The following CCDC171 variants were observed in gnomAD, a reference collection of about 807,000 sequenced individuals.
The protein encoded by CCDC171 is coiled-coil domain-containing protein 171.
In CCDC171, 177 loss-of-function variants were observed where a neutral mutation model predicts 168.2. That is an observed-to-expected ratio of 1.05 (90% CI 0.93 to 1.19). The LOEUF is 1.19. Ranked by LOEUF, CCDC171 falls within the 50% of genes most tolerant of loss-of-function variation. The probability of loss-of-function intolerance (pLI) is 0.00; values close to 1 mark genes in which losing one functional copy is unlikely to be tolerated. For missense variants in CCDC171, 1,991 were observed against 1,539.0 expected (o/e 1.29, Z -4.91); for synonymous variants, 687 against 540.8 (o/e 1.27, Z -3.75).
At chr9:15,656,280 C>G (rs1248109539) in intron 7 of CCDC171, among the ~76,000 whole-genome samples, 2 of 151,698 alleles carry the variant, frequency 1.3e-5, no homozygotes, top group Non-Finnish European at 2.9e-5. Context: ...CTAGATGGCG[C>G]CACTGCATTC....
chr9:16,027,519 C>T (rs534842733), intron 6 of CCDC171, among the ~76,000 whole-genome samples: 4 of 152,136 alleles, frequency 2.6e-5, no homozygotes, highest in South Asian at 4.2e-4. Flanking sequence ...ATCAAAGTTG[C>T]GAGGAAGGAA....
intron 10 of CCDC171, among the ~76,000 whole-genome samples, chr9:15,683,007 T>G (rs910948588): frequency 6.6e-6 from 1 of 152,006 alleles, no homozygotes; most frequent in East Asian, 1.9e-4. Context: ...GCAGGGGAGC[T>G]TTCATTTTCA....
intron 23 of CCDC171, among the ~76,000 whole-genome samples, chr9:15,851,990 C>T (rs1457939926): frequency 6.6e-6 from 1 of 151,790 alleles, no homozygotes; most frequent in African/African-American, 2.4e-5. Flanking sequence ...AGCTGATAGA[C>T]ACTGGGTTGT....
chr9:15,639,903 T>G (rs1048098616), intron 7 of CCDC171, among the ~76,000 whole-genome samples: 1 of 152,178 alleles, frequency 6.6e-6, no homozygotes, highest in Non-Finnish European at 1.5e-5. Flanking sequence ...GAATATCCTT[T>G]AGCGACAAAT....
downstream of CCDC171, among the ~76,000 whole-genome samples, chr9:16,062,683 C>T (rs557614943): frequency 6.6e-6 from 1 of 152,230 alleles, no homozygotes; most frequent in Non-Finnish European, 1.5e-5. Flanking sequence ...TTGTGGTACA[C>T]ACTTCAGATA....
chr9:16,089,332 G>T, the CCDC171 span, among the ~76,000 whole-genome samples: 2 of 151,988 alleles, frequency 1.3e-5, no homozygotes, highest in African/African-American at 2.4e-5. Context: ...TAGGTTGCCT[G>T]TTCACTCTGA....
intron 6 of CCDC171, among the ~76,000 whole-genome samples, chr9:15,601,267 A>G (rs1320368170): frequency 1.3e-5 from 2 of 152,192 alleles, no homozygotes; most frequent in African/African-American, 4.8e-5. Flanking sequence ...CTATTTGGCC[A>G]TCTTGGCTCC....
chr9:15,645,093 C>T (rs2046933075), intron 7 of CCDC171, among the ~76,000 whole-genome samples: 2 of 152,214 alleles, frequency 1.3e-5, no homozygotes, highest in South Asian at 4.1e-4. Flanking sequence ...GCAATATTTG[C>T]TGTTCTGCAG....
At chr9:15,699,451 G>A (rs2051501903) in intron 11 of CCDC171, among the ~76,000 whole-genome samples, 1 of 152,156 alleles carries the variant, frequency 6.6e-6, no homozygotes, top group Non-Finnish European at 1.5e-5. Flanking sequence ...GGCTTGGGCA[G>A]CCTCTTTTTA....
rs181546130 is a variant in CCDC171 at position 15,791,705 on chromosome 9, G to A, written c.3267+7011G>A. On this transcript the variant is annotated intron_variant, in intron 21 of 25. Coordinates refer to ENST00000380701, the MANE Select transcript of CCDC171 (RefSeq NM_173550.4). ...AAAGGGAACTCTGCTGCTGATACCC[G>A]GCAAACAGGGTCTGGAGTGGACCTT... is the stretch of plus-strand genomic sequence containing the variant. Among the ~76,000 whole-genome samples the A allele has an allele frequency of 1.8e-4, 27 of 152,172 alleles. No homozygotes were observed. The East Asian group carries it at 4.4e-3, about 25-fold the overall frequency.
intron 23 of CCDC171, among the ~76,000 whole-genome samples, chr9:15,861,003 CTT>C (rs1478022001): frequency 6.7e-6 from 1 of 148,462 alleles, no homozygotes; most frequent in African/African-American, 2.5e-5. Flanking sequence ...AGACTGCACT[CTT>C]ATATCATTAT....
intron 1 of CCDC171, among the ~76,000 whole-genome samples, chr9:15,556,801 A>G (rs1274748861): frequency 6.6e-6 from 1 of 152,018 alleles, no homozygotes. Flanking sequence ...TGTTTTAGTC[A>G]TGAAGTCCTT....
intron 2 of CCDC171, among the ~76,000 whole-genome samples, 170 bp downstream of exon 2, chr9:15,564,299 A>T (rs879795009): frequency 4.6e-5 from 7 of 152,204 alleles, no homozygotes; most frequent in Non-Finnish European, 7.3e-5. Context: ...ATTGGAACTG[A>T]TTCTAGAGAC....
chr9:15,669,274 G>T (rs1309572870), intron 9 of CCDC171, among the ~76,000 whole-genome samples: 1 of 152,048 alleles, frequency 6.6e-6, no homozygotes, highest in African/African-American at 2.4e-5. Flanking sequence ...TCTAAAACTT[G>T]CAGTATGAAA....
intron 7 of CCDC171, among the ~76,000 whole-genome samples, chr9:15,650,910 T>G (rs569689310): frequency 5.7e-4 from 86 of 152,154 alleles, no homozygotes; most frequent in African/African-American, 1.8e-3. Flanking sequence ...AATACATTGT[T>G]GTTAACTGTA....
chr9:15,598,093 A>G lies in CCDC171; in HGVS notation c.675+3921A>G, dbSNP rs2042520993. 2.6e-5 allele frequency among the ~76,000 whole-genome samples: 4 copies of G among 152,152 alleles called. No individual in the cohort carries two copies. The South Asian group carries it at 8.3e-4, about 32-fold the overall frequency. ...TATCAATTTTGTTGATCTTTTCAAA[A>G]AACCACCTCCTGGATTCATTGATTT... is the stretch of plus-strand genomic sequence containing the variant. On this transcript the variant is annotated intron_variant, in intron 6 of 25. Coordinates refer to ENST00000380701, the MANE Select transcript of CCDC171 (RefSeq NM_173550.4).
At chr9:16,066,170 C>G (rs1320187814), downstream of CCDC171, among the ~76,000 whole-genome samples, 1 of 152,146 alleles carries the variant, frequency 6.6e-6, no homozygotes, top group Non-Finnish European at 1.5e-5. Flanking sequence ...CTAACCTCTT[C>G]TCGGTCACTC....
rs895601678 is a variant in CCDC171, at chr9:15,553,290, C to G, written c.-124C>G. 1.3e-5 allele frequency: 2 copies of G among 152,394 alleles called. No individual in the cohort carries two copies. Among genetic ancestry groups the G allele is most frequent in the East Asian group, 3.9e-4 (2 of 5,156 alleles). The allele number at this position is 152,394 out of a possible 1,614,324, so 9.4% of individuals were successfully genotyped here. ...TCTTGGGTGTGCAGCACGGATCACG[C>G]GAGACCCCTGAGGTAACCGCACGGT... On this transcript the variant is annotated 5_prime_UTR_variant, in exon 1 of 26. Transcript: ENST00000380701.
At chr9:15,870,414 G>T (rs1343632024) in intron 23 of CCDC171, among the ~76,000 whole-genome samples, 6 of 151,718 alleles carry the variant, frequency 4.0e-5, no homozygotes, top group African/African-American at 1.5e-4. Flanking sequence ...ATCTATATCT[G>T]GTAAAAAGGT....
Sources: gnomAD v4.1 joint callset for allele counts (sites outside exome capture counted in the v4.1 genomes callset) on GRCh38, gnomAD v4.1.1 for gene constraint, MANE v1.5 for transcripts, NCBI Gene and HGNC (gene_info 2026-07-23, HGNC 2026-07-21) for gene names.